The following NAALADL2 variants were observed in gnomAD, a reference collection of about 807,000 sequenced individuals.
NAALADL2 encodes the protein inactive N-acetylated-alpha-linked acidic dipeptidase-like protein 2.
Under a neutral mutation model 87.2 loss-of-function variants are expected in NAALADL2, and 76 were observed. That is an observed-to-expected ratio of 0.87 (90% CI 0.72 to 1.05). The LOEUF (loss-of-function observed/expected upper bound fraction) is 1.05. Among genes scored for constraint, NAALADL2 ranks in the 50% least tolerant of loss-of-function variants. The pLI is 0.00. For synonymous variants in NAALADL2, 354 were observed against 331.0 expected (o/e 1.07, Z -0.75); for missense variants, 1,089 against 945.8 (o/e 1.15, Z -1.99).
intron 4 of NAALADL2, among the ~76,000 whole-genome samples, chr3:175,281,119 A>T (rs9831015): frequency 0.088 from 13,083 of 149,374 alleles, 1,823 homozygotes; most frequent in African/African-American, 0.3. Flanking sequence ...ACTTAAAAAA[A>T]ATATATATAT....
chr3:175,299,998 G>C (rs536689324), intron 4 of NAALADL2, among the ~76,000 whole-genome samples: 2 of 152,242 alleles, frequency 1.3e-5, no homozygotes, highest in African/African-American at 2.4e-5. Context: ...TAGGATGAAG[G>C]GGTGTTGAAT....
chr3:174,532,442 A>G (rs1015659853), intron 1 of NAALADL2, among the ~76,000 whole-genome samples: 3 of 152,162 alleles, frequency 2.0e-5, no homozygotes, highest in Non-Finnish European at 4.4e-5. Flanking sequence ...GGGGGAGGGT[A>G]TGGAAATTGC....
At chr3:175,798,232 T>C (rs1160151688) in intron 13 of NAALADL2, among the ~76,000 whole-genome samples, 1 of 152,054 alleles carries the variant, frequency 6.6e-6, no homozygotes, top group Non-Finnish European at 1.5e-5. Context: ...TGAAAAAACG[T>C]ATTTCTACTA....
At chr3:174,849,791 G>A (rs1725039192) in intron 3 of NAALADL2, among the ~76,000 whole-genome samples, 2 of 147,266 alleles carry the variant, frequency 1.4e-5, no homozygotes, top group South Asian at 4.4e-4. Context: ...CTAGGCCTAC[G>A]CAGGGTTAGG....
intron 11 of NAALADL2, among the ~76,000 whole-genome samples, chr3:175,637,683 C>T (rs1354867937): frequency 2.0e-5 from 3 of 152,170 alleles, no homozygotes; most frequent in African/African-American, 7.2e-5. Flanking sequence ...AGGCTCTCAA[C>T]CAGAAGCAGA....
At chr3:174,947,470 A>G (rs1739618871) in intron 1 of NAALADL2, among the ~76,000 whole-genome samples, 1 of 152,068 alleles carries the variant, frequency 6.6e-6, no homozygotes, top group African/African-American at 2.4e-5. Flanking sequence ...AGTGCTGACC[A>G]TGGTTAGGAA....
chr3:175,670,358 A>T (rs1259037048), intron 11 of NAALADL2, among the ~76,000 whole-genome samples: 1 of 149,282 alleles, frequency 6.7e-6, no homozygotes, highest in Non-Finnish European at 1.5e-5. Context: ...CTTTCACTTT[A>T]CTTTTTGTAT....
At chr3:174,768,463 A>G (rs1040520544) in intron 3 of NAALADL2, among the ~76,000 whole-genome samples, 1 of 152,118 alleles carries the variant, frequency 6.6e-6, no homozygotes, top group Admixed American at 6.6e-5. Context: ...TTAGTCCATA[A>G]TGTAGGTATG....
intron 1 of NAALADL2, among the ~76,000 whole-genome samples, chr3:174,947,069 C>T (rs1231008142): frequency 6.6e-6 from 1 of 152,114 alleles, no homozygotes; most frequent in African/African-American, 2.4e-5. Flanking sequence ...TGATATATAA[C>T]TGTGCTTAAT....
At chr3:175,225,203 T>C (rs995857402) in intron 2 of NAALADL2, among the ~76,000 whole-genome samples, 1 of 152,224 alleles carries the variant, frequency 6.6e-6, no homozygotes, top group Non-Finnish European at 1.5e-5. Context: ...TTTAAAAATA[T>C]ATCTTCCCCA....
chr3:174,942,769 T>G (rs1226911307), intron 1 of NAALADL2, among the ~76,000 whole-genome samples: 1 of 152,232 alleles, frequency 6.6e-6, no homozygotes, highest in East Asian at 1.9e-4. Context: ...TTGGTCTGTC[T>G]TATTTCAGAG....
At chr3:174,987,340 C>T (rs1361304423) in intron 1 of NAALADL2, among the ~76,000 whole-genome samples, 1 of 151,414 alleles carries the variant, frequency 6.6e-6, no homozygotes, top group Non-Finnish European at 1.5e-5. Flanking sequence ...GAGGCCGAGG[C>T]GGGCGGATCA....
intron 11 of NAALADL2, among the ~76,000 whole-genome samples, chr3:175,691,325 C>G (rs1737015666): frequency 6.6e-6 from 1 of 150,678 alleles, no homozygotes. Flanking sequence ...TTAATTTTAT[C>G]TGTAGGTATG....
At chr3:175,790,205 G>T (rs1228134412) in intron 13 of NAALADL2, among the ~76,000 whole-genome samples, 1 of 151,706 alleles carries the variant, frequency 6.6e-6, no homozygotes, top group Non-Finnish European at 1.5e-5. Context: ...CAATAAAATT[G>T]GCTAGATAAT....
intron 12 of NAALADL2, among the ~76,000 whole-genome samples, chr3:175,752,645 C>G (rs1400286241): frequency 6.6e-6 from 1 of 152,092 alleles, no homozygotes; most frequent in East Asian, 1.9e-4. Flanking sequence ...TGGCTAGTTT[C>G]CACTATCAGG....
chr3:174,738,497 A>G (rs1250553170), intron 3 of NAALADL2, among the ~76,000 whole-genome samples: 1 of 152,206 alleles, frequency 6.6e-6, no homozygotes, highest in African/African-American at 2.4e-5. Context: ...ATGCAGATTT[A>G]GGAAGTGGCT....
At chr3:174,992,586 C>T (rs1746884496) in intron 1 of NAALADL2, among the ~76,000 whole-genome samples, 1 of 151,994 alleles carries the variant, frequency 6.6e-6, no homozygotes, top group South Asian at 2.1e-4. Flanking sequence ...TTTATCATTT[C>T]TGTTTAATTT....
At chr3:175,521,361 A>G (rs1353320526) in intron 9 of NAALADL2, among the ~76,000 whole-genome samples, 1 of 152,122 alleles carries the variant, frequency 6.6e-6, no homozygotes, top group South Asian at 2.1e-4. Flanking sequence ...CTCAAAATAA[A>G]TAGATTTTTG....
At chr3:175,116,810 C>G (rs1580536542) in intron 2 of NAALADL2, among the ~76,000 whole-genome samples, 1 of 152,010 alleles carries the variant, frequency 6.6e-6, no homozygotes, top group South Asian at 2.1e-4. Context: ...CCAAGACAAC[C>G]CTAAGCCAAA....
Sources: allele counts gnomAD v4.1 joint callset (sites outside exome capture counted in the v4.1 genomes callset), GRCh38; gene constraint gnomAD v4.1.1; transcripts MANE v1.5; gene names NCBI Gene and HGNC (gene_info 2026-07-23, HGNC 2026-07-21).